LRRC18: variants seen among roughly 807,000 people sequenced by gnomAD.
The protein encoded by LRRC18 is leucine rich repeat containing 18.
LRRC18 carries 12 observed loss-of-function variants against 11.2 expected under a neutral mutation model. That is an observed-to-expected ratio of 1.07 (90% CI 0.69 to 1.74). The LOEUF is 1.74. LRRC18 is among the 40% of genes most tolerant of loss of function. The pLI is 0.00. For missense variants in LRRC18, 374 were observed against 330.5 expected, an observed-to-expected ratio of 1.13 and a Z score of -1.02; for synonymous variants, 155 against 130.6, an observed-to-expected ratio of 1.19 and a Z score of -1.27.
the LRRC18 span, among the ~76,000 whole-genome samples, chr10:48,921,377 G>A: frequency 6.6e-6 from 1 of 152,094 alleles, no homozygotes; most frequent in Admixed American, 6.5e-5. Flanking sequence ...GAGAGAAAAT[G>A]AACTCTTTAA....
chr10:48,933,339 C>T, the LRRC18 span, among the ~76,000 whole-genome samples: 1 of 152,234 alleles, frequency 6.6e-6, no homozygotes, highest in East Asian at 1.9e-4. Flanking sequence ...ACAGATGAAA[C>T]ACCCAGGGCC....
the LRRC18 span, among the ~76,000 whole-genome samples, chr10:48,934,356 A>G: frequency 1.2e-4 from 19 of 152,208 alleles, no homozygotes; most frequent in Non-Finnish European, 7.3e-5. Context: ...TTTTACAGAC[A>G]TTACAATTGA....
chr10:48,933,355 A>C, the LRRC18 span, among the ~76,000 whole-genome samples: 3 of 152,222 alleles, frequency 2.0e-5, no homozygotes, highest in Admixed American at 6.5e-5. Flanking sequence ...GGGCCTAGTC[A>C]AAGGCGCATG....
At chr10:48,920,557 G>A in the LRRC18 span, among the ~76,000 whole-genome samples, 4 of 152,142 alleles carry the variant, frequency 2.6e-5, no homozygotes, top group Non-Finnish European at 5.9e-5. Flanking sequence ...GCTAGAGCTA[G>A]TATCATACTT....
the LRRC18 span, among the ~76,000 whole-genome samples, chr10:48,936,179 A>G: frequency 2.0e-5 from 3 of 152,140 alleles, no homozygotes; most frequent in Non-Finnish European, 4.4e-5. Context: ...AAGCAAAATA[A>G]AATGACTTCA....
At chr10:48,936,989 G>C in the LRRC18 span, among the ~76,000 whole-genome samples, 2 of 151,580 alleles carry the variant, frequency 1.3e-5, no homozygotes, top group Non-Finnish European at 2.9e-5. Context: ...GCACGACCTC[G>C]GCTCACTGCA....
At chr10:48,914,030 G>A (rs1838265044) in exon 1 of LRRC18, 1 of 1,614,224 alleles carries the variant, frequency 6.2e-7, no homozygotes, top group Non-Finnish European at 8.5e-7. Context: ...TACACTTGGG[G>A]AAGGTGGTAA....
Position 48,913,362 on chromosome 10 carries a change from C to A in LRRC18, c.764+30G>T, listed in dbSNP as rs80176262. On this transcript the variant is annotated intron_variant, in intron 1 of 1. Transcript: ENST00000374160. ...CCCTCTTCCCTCCCTCTCTCTTTCCCTTCTGCCTCAGGGTCAGGTTCCAAG... is the reference window on the plus strand; with the variant it reads ...CCCTCTTCCCTCCCTCTCTCTTTCCATTCTGCCTCAGGGTCAGGTTCCAAG... 2,246 of 1,594,234 alleles carry A rather than the reference C, an allele frequency of 1.4e-3. 39 individuals carry two copies. The African/African-American group carries it at 0.028, about 20-fold the overall frequency.
chr10:48,915,035 AT>A (rs1838385657), upstream of LRRC18, among the ~76,000 whole-genome samples: 1 of 152,174 alleles, frequency 6.6e-6, no homozygotes, highest in Non-Finnish European at 1.5e-5. Context: ...TGTGATGGGG[AT>A]TCTGGCTTCT....
the LRRC18 span, among the ~76,000 whole-genome samples, chr10:48,923,878 C>T: frequency 6.6e-6 from 1 of 152,246 alleles, no homozygotes; most frequent in African/African-American, 2.4e-5. Context: ...AGAGAGAATC[C>T]TGGACAGGAA....
chr10:48,932,043 C>A, the LRRC18 span, among the ~76,000 whole-genome samples: 4 of 152,242 alleles, frequency 2.6e-5, no homozygotes, highest in Non-Finnish European at 5.9e-5. Context: ...GTGAGCCCCA[C>A]TCCCCTTCAT....
At chr10:48,939,609 G>T in the LRRC18 span, among the ~76,000 whole-genome samples, 2 of 152,226 alleles carry the variant, frequency 1.3e-5, no homozygotes, top group African/African-American at 4.8e-5. Flanking sequence ...GGATGATGCG[G>T]TTTATTAACT....
chr10:48,934,590 C>T, the LRRC18 span, among the ~76,000 whole-genome samples: 1 of 152,240 alleles, frequency 6.6e-6, no homozygotes, highest in Non-Finnish European at 1.5e-5. Flanking sequence ...GGCTTAACCA[C>T]TTATTAGTGG....
chr10:48,927,776 A>G, the LRRC18 span, among the ~76,000 whole-genome samples: 10 of 152,250 alleles, frequency 6.6e-5, no homozygotes, highest in Admixed American at 2.6e-4. Flanking sequence ...ACACGGCCCA[A>G]TAACAAAAGA....
chr10:48,936,664 C>T, the LRRC18 span, among the ~76,000 whole-genome samples: 45 of 151,684 alleles, frequency 3.0e-4, no homozygotes, highest in African/African-American at 1.1e-3. Context: ...AGTGAAACCC[C>T]GTCTCTACTA....
chr10:48,925,525 A>G, the LRRC18 span, among the ~76,000 whole-genome samples: 4 of 152,348 alleles, frequency 2.6e-5, no homozygotes, highest in East Asian at 7.7e-4. Context: ...AGATTTAGGA[A>G]TATAGATTCC....
At chr10:48,913,983 C>T in exon 1 of LRRC18, 2 of 1,614,186 alleles carry the variant, frequency 1.2e-6, no homozygotes, top group Non-Finnish European at 8.5e-7. Context: ...AAGATTCCGG[C>T]TAAGGTCCAG....
chr10:48,932,823 G>C, the LRRC18 span, among the ~76,000 whole-genome samples: 4 of 152,132 alleles, frequency 2.6e-5, no homozygotes, highest in Non-Finnish European at 5.9e-5. Context: ...TCCTTTCTGA[G>C]AAAGCGACAT....
At chr10:48,928,086 A>G in the LRRC18 span, among the ~76,000 whole-genome samples, 1 of 152,184 alleles carries the variant, frequency 6.6e-6, no homozygotes, top group African/African-American at 2.4e-5. Context: ...CTATTGCCAG[A>G]CAGGTGTTAT....
Sources: gnomAD v4.1 joint callset for allele counts (sites outside exome capture counted in the v4.1 genomes callset) on GRCh38, gnomAD v4.1.1 for gene constraint, MANE v1.5 for transcripts, NCBI Gene and HGNC (gene_info 2026-07-23, HGNC 2026-07-21) for gene names.